RAPGEF6: variants seen among roughly 807,000 people sequenced by gnomAD.
RAPGEF6 encodes the protein PDZ domain containing guanine nucleotide exchange factor (GEF) 2.
Under a neutral mutation model 171.4 loss-of-function variants are expected in RAPGEF6, and 56 were observed. The ratio of observed to expected loss-of-function variants is 0.33; its 90% CI spans 0.26 to 0.41. RAPGEF6 has a LOEUF of 0.41. Among genes scored for constraint, RAPGEF6 ranks in the 10% least tolerant of loss-of-function variants. RAPGEF6 has a pLI of 1.00. For synonymous variants in RAPGEF6, 692 were observed against 650.1 expected (o/e 1.06, Z -0.98); for missense variants, 1,674 against 1,921.4 (o/e 0.87, Z 2.41).
At chr5:131,592,146 G>T (rs531690489) in intron 4 of RAPGEF6, among the ~76,000 whole-genome samples, 1 of 152,056 alleles carries the variant, frequency 6.6e-6, no homozygotes, top group Non-Finnish European at 1.5e-5. Context: ...GTGAGCCACC[G>T]TGCCCAGCCC....
intron 1 of RAPGEF6, among the ~76,000 whole-genome samples, chr5:131,625,780 C>T (rs77880895): frequency 4.0e-5 from 6 of 150,260 alleles, no homozygotes; most frequent in South Asian, 4.2e-4. Flanking sequence ...AGCGCCACTG[C>T]GCTCCAGCCT....
chr5:131,466,095 C>CA (rs769107975), intron 17 of RAPGEF6, among the ~76,000 whole-genome samples: 3,815 of 50,578 alleles, frequency 0.075, 166 homozygotes, highest in African/African-American at 0.16. Flanking sequence ...GACTGAGGAC[C>CA]AAAAAAAAAA....
intron 6 of RAPGEF6, among the ~76,000 whole-genome samples, chr5:131,537,973 A>G (rs1195532400): frequency 2.0e-5 from 3 of 152,146 alleles, no homozygotes; most frequent in African/African-American, 7.2e-5. Flanking sequence ...TGTGCCTATA[A>G]TCCCAGCTAC....
chr5:131,608,807 CG>C (rs1162505352), intron 1 of RAPGEF6, among the ~76,000 whole-genome samples: 1 of 151,878 alleles, frequency 6.6e-6, no homozygotes, highest in African/African-American at 2.4e-5. Context: ...TCCCTTACCA[CG>C]TGATCTCTTT....
intron 4 of RAPGEF6, among the ~76,000 whole-genome samples, chr5:131,591,904 C>T (rs1763613598): frequency 6.6e-6 from 1 of 152,064 alleles, no homozygotes; most frequent in Non-Finnish European, 1.5e-5. Context: ...GTTGCCCAGG[C>T]TGGAGTGTAA....
chr5:131,452,717 C>T (rs1204944695), intron 21 of RAPGEF6, among the ~76,000 whole-genome samples: 1 of 151,464 alleles, frequency 6.6e-6, no homozygotes, highest in East Asian at 1.9e-4. Flanking sequence ...CCGCCTGCCT[C>T]GGCCTCCCAA....
chr5:131,472,314 G>GC (rs1325651442), intron 17 of RAPGEF6: 1 of 406,180 alleles, frequency 2.5e-6, no homozygotes. Context: ...CTCATGATCC[G>GC]CCCGCCTCGG....
At chr5:131,598,523 A>C (rs148202602) in intron 3 of RAPGEF6, among the ~76,000 whole-genome samples, 14 of 152,334 alleles carry the variant, frequency 9.2e-5, no homozygotes, top group Admixed American at 7.8e-4. Context: ...ACTGCTGAAA[A>C]GCAAAAAGCA....
rs201774962 is a variant in RAPGEF6 at position 131,492,732 on chromosome 5, C to A, written c.1581G>T (p.Lys527Asn). The A allele has an allele frequency of 1.2e-6, 2 of 1,614,124 alleles. No homozygotes were observed. The highest frequency in any genetic ancestry group is 1.7e-5 in the Admixed American group (1 of 60,030). The change falls in exon 14 of 28, where the codon AAG (lysine) becomes AAT (asparagine). Residue 527 changes from lysine (K) to asparagine (N), a missense_variant. Lys to Asn is a moderately conservative substitution (Grantham distance 94, BLOSUM62 0). This residue lies in a region of RAPGEF6 where 1,116 missense variants were observed against 1,321.5 expected (regional missense o/e 0.84). Transcript: ENST00000509018. Reference sequence around the variant, plus strand: ...CCTTTTGCAGCACAACCTGTCTCCACTTAGCCTTTGCAGCACAGGCAATAT... The same window carrying A: ...CCTTTTGCAGCACAACCTGTCTCCAATTAGCCTTTGCAGCACAGGCAATAT... ...LLNIACAAKA[K>N]WRQVVLQKAS...
intron 16 of RAPGEF6, among the ~76,000 whole-genome samples, chr5:131,475,403 T>C (rs1053751595): frequency 7.2e-5 from 11 of 152,174 alleles, no homozygotes; most frequent in Non-Finnish European, 1.6e-4. Context: ...CTTGGTTTCA[T>C]ATTATGAAAC....
At chr5:131,618,705 T>C (rs1765421249) in intron 1 of RAPGEF6, among the ~76,000 whole-genome samples, 1 of 152,186 alleles carries the variant, frequency 6.6e-6, no homozygotes, top group African/African-American at 2.4e-5. Context: ...GTGAGGATTA[T>C]CAATGAATGC....
chr5:131,477,541 G>T (rs1380653904), intron 16 of RAPGEF6, among the ~76,000 whole-genome samples: 1 of 152,070 alleles, frequency 6.6e-6, no homozygotes, highest in Non-Finnish European at 1.5e-5. Context: ...TGTTCCTGGC[G>T]ACCTCAGTTT....
chr5:131,503,780 G>A (rs556151974), intron 11 of RAPGEF6, among the ~76,000 whole-genome samples: 2 of 152,292 alleles, frequency 1.3e-5, no homozygotes, highest in African/African-American at 4.8e-5. Flanking sequence ...ACTTACAGAA[G>A]GGAAAACAGT....
chr5:131,455,891 A>G lies in RAPGEF6; in HGVS notation c.2986T>C (p.Tyr996His). 6.2e-7 allele frequency: 1 copy of G among 1,613,906 alleles called. No homozygotes were observed. The part of the protein sequence containing the change: ...IFDPSRNMAK[Y>H]RNILSSQSMQ... ...CTTTGACTACTAAGAATATTTCTATACTTTGCCATGTTTCTAGATGGATCA... is the reference window on the plus strand; with the variant it reads ...CTTTGACTACTAAGAATATTTCTATGCTTTGCCATGTTTCTAGATGGATCA... Residue 996 changes from tyrosine to histidine, a missense_variant, in exon 20 of 28, where the codon TAT (tyrosine) becomes CAT (histidine). By Grantham distance (83) the Tyr-to-His change is moderately conservative. This residue lies in a region of RAPGEF6 where 1,116 missense variants were observed against 1,321.5 expected (regional missense o/e 0.84). Coordinates refer to ENST00000509018, the MANE Select transcript of RAPGEF6 (RefSeq NM_016340.6).
At chr5:131,433,731 G>T in intron 24 of RAPGEF6, 73 bp from the exon 25 acceptor site, 5 of 841,512 alleles carry the variant, frequency 5.9e-6, no homozygotes, top group South Asian at 2.0e-5. Context: ...GGGAAAGGAT[G>T]AAAAAAAAAA....
At chr5:131,549,448 T>A (rs1030484475) in intron 5 of RAPGEF6, among the ~76,000 whole-genome samples, 2 of 152,168 alleles carry the variant, frequency 1.3e-5, no homozygotes, top group Non-Finnish European at 2.9e-5. Context: ...ATTCTATATA[T>A]GTCATGTATT....
intron 1 of RAPGEF6, among the ~76,000 whole-genome samples, chr5:131,622,708 C>G (rs1765664705): frequency 6.6e-6 from 1 of 152,196 alleles, no homozygotes. Flanking sequence ...TCATCCAGAT[C>G]TAACATTCCC....
intron 10 of RAPGEF6, 25 bp downstream of exon 10, chr5:131,505,339 G>T (rs993042810): frequency 1.2e-5 from 20 of 1,610,680 alleles, no homozygotes; most frequent in Non-Finnish European, 1.7e-5. Context: ...CAGACAAGAA[G>T]ACTTGACCAA....
chr5:131,521,518 G>C lies in RAPGEF6; in HGVS notation c.499C>G (p.Pro167Ala), dbSNP rs753910718. The change falls in exon 7 of 28, where the codon CCA becomes GCA. Residue 167 changes from proline to alanine, a missense_variant. By Grantham distance (27) the Pro-to-Ala change is conservative. Coordinates refer to ENST00000509018, the MANE Select transcript of RAPGEF6 (RefSeq NM_016340.6). ...AGATGCATCTTGGTAAGATCAGCTGGAAGCTGAAAAAAAAAATAATTTAAG... is the reference window on the plus strand; with the variant it reads ...AGATGCATCTTGGTAAGATCAGCTGCAAGCTGAAAAAAAAAATAATTTAAG... ...DVEVNSYLSL[P>A]ADLTKMHLTE... 6.3e-7 allele frequency: 1 copy of C among 1,592,680 alleles called. No individual in the cohort carries two copies. Among genetic ancestry groups the C allele is most frequent in the Middle Eastern group, 1.7e-4 (1 of 5,942 alleles).
Sources: allele counts gnomAD v4.1 joint callset (sites outside exome capture counted in the v4.1 genomes callset), GRCh38; gene constraint gnomAD v4.1.1; regional missense constraint gnomAD v4.1.1; transcripts MANE v1.5; gene names NCBI Gene and HGNC (gene_info 2026-07-23, HGNC 2026-07-21).